The following PPFIA2 variants were observed in gnomAD, a reference collection of about 807,000 sequenced individuals.
PPFIA2 encodes liprin-alpha-2.
A neutral mutation model predicts 175.5 loss-of-function variants in PPFIA2; 46 were observed. The observed-to-expected ratio is 0.26, with a 90% CI of 0.21 to 0.34. The LOEUF (loss-of-function observed/expected upper bound fraction) is 0.34. Ranked by LOEUF, PPFIA2 falls within the 10% of genes least tolerant of loss-of-function variation. The pLI is 1.00. For missense variants in PPFIA2, 1,179 were observed against 1,506.1 expected (o/e 0.78, Z 3.60); for synonymous variants, 568 against 511.4 (o/e 1.11, Z -1.49).
At chr12:81,266,884 A>C in intron 30 of PPFIA2, 68 bp downstream of exon 30, 1 of 1,153,942 alleles carries the variant, frequency 8.7e-7, no homozygotes, top group Non-Finnish European at 1.3e-6. Context: ...CTATTCCTTA[A>C]AAACAAAGAT....
intron 24 of PPFIA2, among the ~76,000 whole-genome samples, chr12:81,289,347 T>A (rs565548319): frequency 2.0e-5 from 3 of 151,894 alleles, no homozygotes; most frequent in South Asian, 4.1e-4. Flanking sequence ...TTTAATCTTG[T>A]TGAATTATAT....
intron 11 of PPFIA2, among the ~76,000 whole-genome samples, chr12:81,370,758 G>C (rs2141532744): frequency 6.6e-6 from 1 of 151,976 alleles, no homozygotes; most frequent in Admixed American, 6.6e-5. Context: ...AAAATTGTTA[G>C]TATGTTATGC....
At chr12:81,511,343 TTAAGA>T (rs2061773140) in intron 4 of PPFIA2, among the ~76,000 whole-genome samples, 1 of 151,996 alleles carries the variant, frequency 6.6e-6, no homozygotes, top group South Asian at 2.1e-4. Flanking sequence ...TGGAAAATTA[TTAAGA>T]AAATAATACA....
At chr12:81,752,919 G>A (rs2153665854) in intron 3 of PPFIA2, among the ~76,000 whole-genome samples, 1 of 148,962 alleles carries the variant, frequency 6.7e-6, no homozygotes, top group African/African-American at 2.4e-5. Context: ...ATACCTAAAA[G>A]AGGCACAATT....
chr12:81,281,488 T>C (rs768790409), intron 26 of PPFIA2, 38 bp from the exon 27 acceptor site: 111 of 1,402,912 alleles, frequency 7.9e-5, no homozygotes, highest in Middle Eastern at 7.2e-4. Context: ...TCTTAACCAA[T>C]CAGATAAGAT....
intron 8 of PPFIA2, among the ~76,000 whole-genome samples, chr12:81,401,080 C>T (rs1272281140): frequency 6.6e-6 from 1 of 152,118 alleles, no homozygotes; most frequent in South Asian, 2.1e-4. Context: ...GTCTTCACCA[C>T]TCACCTTGTA....
chr12:81,635,475 C>T (rs148649283), intron 4 of PPFIA2, among the ~76,000 whole-genome samples: 128 of 152,250 alleles, frequency 8.4e-4, no homozygotes, highest in African/African-American at 2.9e-3. Context: ...ATGGCTTACC[C>T]TTGTGCAAGA....
chr12:81,294,583 G>T (rs2046022726), intron 24 of PPFIA2: 2 of 482,788 alleles, frequency 4.1e-6, no homozygotes, highest in South Asian at 2.5e-5. Context: ...CTTGTCGCTT[G>T]GGAGAAAAAT....
chr12:81,295,426 T>C (rs2046218466), intron 23 of PPFIA2, among the ~76,000 whole-genome samples: 1 of 152,162 alleles, frequency 6.6e-6, no homozygotes, highest in Non-Finnish European at 1.5e-5. Flanking sequence ...CAATTTATAA[T>C]GCTTCTTTGG....
At chr12:81,752,164 C>T (rs904263410) in intron 3 of PPFIA2, among the ~76,000 whole-genome samples, 3 of 152,168 alleles carry the variant, frequency 2.0e-5, no homozygotes, top group East Asian at 1.9e-4. Context: ...TCCCAGTACA[C>T]ATTGAAGGTA....
intron 4 of PPFIA2, among the ~76,000 whole-genome samples, chr12:81,508,231 G>A (rs1253477116): frequency 6.6e-6 from 1 of 151,952 alleles, no homozygotes; most frequent in African/African-American, 2.4e-5. Context: ...TATGGTAAGA[G>A]CTTTGTGGGG....
chr12:81,268,714 A>G (rs1347171106), intron 28 of PPFIA2, among the ~76,000 whole-genome samples: 1 of 152,158 alleles, frequency 6.6e-6, no homozygotes, highest in Non-Finnish European at 1.5e-5. Context: ...TCTGAAGTTC[A>G]ATATTTTTAC....
At chr12:81,421,437 A>T (rs2143772089) in intron 7 of PPFIA2, among the ~76,000 whole-genome samples, 1 of 152,202 alleles carries the variant, frequency 6.6e-6, no homozygotes, top group African/African-American at 2.4e-5. Context: ...TTTGTATTCA[A>T]TTGAAGTTAA....
At chr12:81,634,410 G>C (rs1270658452) in intron 4 of PPFIA2, among the ~76,000 whole-genome samples, 3 of 151,978 alleles carry the variant, frequency 2.0e-5, no homozygotes, top group Admixed American at 2.0e-4. Context: ...ATTCTTTAAA[G>C]CACAGAGCAC....
chr12:81,530,201 T>A (rs2153276447), intron 4 of PPFIA2, among the ~76,000 whole-genome samples: 1 of 152,082 alleles, frequency 6.6e-6, no homozygotes, highest in South Asian at 2.1e-4. Context: ...ACACAGACTC[T>A]ATGACCTCCC....
chr12:81,452,670 C>T (rs141697298), intron 5 of PPFIA2, among the ~76,000 whole-genome samples: 10 of 152,150 alleles, frequency 6.6e-5, no homozygotes, highest in South Asian at 2.1e-4. Context: ...TGAATTGGAC[C>T]GTATTTTCTA....
chr12:81,556,792 G>C (rs1187608270), intron 4 of PPFIA2, among the ~76,000 whole-genome samples: 1 of 151,778 alleles, frequency 6.6e-6, no homozygotes, highest in Non-Finnish European at 1.5e-5. Flanking sequence ...CCATTGTTGG[G>C]ATCCTTATTA....
In PPFIA2 at chr12:81,361,889, G is replaced by C. The variant is rs911115374; in HGVS notation, c.1637+804C>G. 5.3e-5 allele frequency among the ~76,000 whole-genome samples: 8 copies of C among 151,128 alleles called. No individual in the cohort carries two copies. The Admixed American group carries it at 5.3e-4, about 10-fold the overall frequency. On this transcript the variant is annotated intron_variant, in intron 15 of 32. Transcript: ENST00000549396. ...TTGCCTAGTAAATAAGTGACTAAAT[G>C]AGTGTGTCCTTCTAGGGTTTCTAAC...
intron 4 of PPFIA2, among the ~76,000 whole-genome samples, chr12:81,524,755 G>C (rs1465438708): frequency 2.6e-5 from 4 of 152,110 alleles, no homozygotes. Flanking sequence ...ATGCCTTTTT[G>C]GGGGATGGGG....
Sources: gnomAD v4.1 joint callset for allele counts (sites outside exome capture counted in the v4.1 genomes callset) on GRCh38, gnomAD v4.1.1 for gene constraint, MANE v1.5 for transcripts, NCBI Gene and HGNC (gene_info 2026-07-23, HGNC 2026-07-21) for gene names.